CCNYL1: variants seen among roughly 807,000 people sequenced by gnomAD.
The protein encoded by CCNYL1 is cyclin-Y-like protein 1.
A neutral mutation model predicts 44.2 loss-of-function variants in CCNYL1; 16 were observed. The observed-to-expected ratio is 0.36, with a 90% CI of 0.25 to 0.55. The LOEUF is 0.55. Among genes scored for constraint, CCNYL1 ranks in the 20% least tolerant of loss-of-function variants. The probability of loss-of-function intolerance (pLI) is 0.85; values close to 1 mark genes in which losing one functional copy is unlikely to be tolerated. For synonymous variants in CCNYL1, 159 were observed against 163.2 expected (o/e 0.97, Z 0.20); for missense variants, 348 against 451.8 (o/e 0.77, Z 2.08).
rs1449829551 is a variant in CCNYL1 at position 207,727,600 on chromosome 2, C to A, written c.330+724C>A. 2.6e-5 allele frequency among the ~76,000 whole-genome samples: 4 copies of A among 152,132 alleles called. No homozygotes were observed. In the East Asian group the frequency reaches 7.7e-4, roughly 29 times the overall value. On this transcript the variant is annotated intron_variant, in intron 3 of 9. Transcript: ENST00000295414. ...GTTTTCTAACAGCTATTTTTCCCCCCAAATGTTGTAGCATTTGCCACATGC... is the reference window on the plus strand; with the variant it reads ...GTTTTCTAACAGCTATTTTTCCCCCAAAATGTTGTAGCATTTGCCACATGC...
chr2:207,719,272 T>G (rs1218628884), intron 1 of CCNYL1, among the ~76,000 whole-genome samples: 1 of 151,784 alleles, frequency 6.6e-6, no homozygotes, highest in East Asian at 1.9e-4. Context: ...TTTTATAATT[T>G]ATTGTGCATT....
chr2:207,739,889 T>C (rs888121772), intron 5 of CCNYL1, among the ~76,000 whole-genome samples: 8 of 152,242 alleles, frequency 5.3e-5, no homozygotes, highest in South Asian at 2.1e-4. Flanking sequence ...TTTGCTGTTA[T>C]ACACTCATTA....
intron 1 of CCNYL1, among the ~76,000 whole-genome samples, chr2:207,718,478 A>G (rs1284724217): frequency 6.6e-6 from 1 of 152,014 alleles, no homozygotes; most frequent in African/African-American, 2.4e-5. Flanking sequence ...ACTGCCCTCC[A>G]GCCTGGGTGA....
intron 1 of CCNYL1, among the ~76,000 whole-genome samples, chr2:207,719,060 A>G (rs2091620111): frequency 6.6e-6 from 1 of 152,088 alleles, no homozygotes; most frequent in Admixed American, 6.6e-5. Flanking sequence ...AAGGAGGAGA[A>G]TGTACAGTAA....
chr2:207,717,657 A>G (rs958684467), intron 1 of CCNYL1, among the ~76,000 whole-genome samples: 1 of 152,084 alleles, frequency 6.6e-6, no homozygotes, highest in African/African-American at 2.4e-5. Context: ...GTGAGAAGGG[A>G]GCCTTGTGAG....
intron 5 of CCNYL1, 147 bp from the exon 6 acceptor site, chr2:207,740,508 C>G (rs995421399): frequency 3.1e-6 from 2 of 655,100 alleles, no homozygotes; most frequent in African/African-American, 3.7e-5. Context: ...GGCTGGCATC[C>G]CGGAGAAGAA....
chr2:207,748,724 G>A (rs2091872204), intron 8 of CCNYL1, among the ~76,000 whole-genome samples: 1 of 152,194 alleles, frequency 6.6e-6, no homozygotes, highest in African/African-American at 2.4e-5. Flanking sequence ...ATTCACAACT[G>A]AAGTGAGGAT....
intron 8 of CCNYL1, among the ~76,000 whole-genome samples, chr2:207,748,127 T>C (rs2091867719): frequency 1.3e-5 from 2 of 152,206 alleles, no homozygotes; most frequent in Non-Finnish European, 2.9e-5. Context: ...AGGTCTGTTT[T>C]TACAGAAGCC....
At chr2:207,725,909 A>C (rs2091677000) in intron 2 of CCNYL1, among the ~76,000 whole-genome samples, 1 of 152,226 alleles carries the variant, frequency 6.6e-6, no homozygotes. Context: ...GAATACAAGA[A>C]GTGGGGGTTC....
chr2:207,737,381 G>A (rs62189195), intron 4 of CCNYL1, 30 bp from the exon 5 acceptor site: 21,593 of 1,557,784 alleles, frequency 0.014, 242 homozygotes, highest in Middle Eastern at 0.05. Context: ...TAAATCAGTT[G>A]TTAAAAATAA....
In CCNYL1 at chr2:207,711,844, C is replaced by A. The variant is rs1334945429; in HGVS notation, c.-53C>A. On this transcript the variant is annotated 5_prime_UTR_variant, in exon 1 of 10. Transcript: ENST00000295414. ...TGGGGGAGGGGGCGGCTGTTGAGGG[C>A]GGCGGAGTAGGGGGCGAGCGAAGGC... The A allele has an allele frequency of 8.0e-7, 1 of 1,250,428 alleles. No individual in the cohort carries two copies. Among genetic ancestry groups the A allele is most frequent in the Non-Finnish European group, 1.0e-6 (1 of 961,462 alleles). 77.5% of individuals were successfully genotyped at this position (1,250,428 alleles called of 1,614,324 possible).
rs1157477761 is a variant in CCNYL1 at position 207,751,128 on chromosome 2, A to G, written c.969+9A>G. ...GAGCACAGAACCTAGAGGTAAGGCT[A>G]TGAAGTCACTAAGTGAGGTTTTCCA... On this transcript the variant is annotated intron_variant, in intron 9 of 9. Coordinates refer to ENST00000295414, the MANE Select transcript of CCNYL1 (RefSeq NM_001330218.2). 6.2e-7 allele frequency: 1 copy of G among 1,610,264 alleles called. No homozygotes were observed.
At chr2:207,722,696 C>T (rs1286798121) in intron 1 of CCNYL1, among the ~76,000 whole-genome samples, 1 of 152,072 alleles carries the variant, frequency 6.6e-6, no homozygotes, top group Non-Finnish European at 1.5e-5. Context: ...TGTGGTGGCT[C>T]ACGCCTGTAA....
intron 4 of CCNYL1, among the ~76,000 whole-genome samples, chr2:207,735,532 A>G (rs1361746533): frequency 6.6e-6 from 1 of 152,138 alleles, no homozygotes; most frequent in Non-Finnish European, 1.5e-5. Context: ...TCATTCCCAA[A>G]ATTTGCAGCA....
At position 207,740,803 on chromosome 2, in the gene CCNYL1, C is replaced by T; in HGVS notation, c.519+97C>T. ...AATAGTCCTAACAAATATACATGAT[C>T]TCTATGAAGATAATTAGAAAACAAT... On this transcript the variant is annotated intron_variant, in intron 6 of 9. Coordinates refer to ENST00000295414, the MANE Select transcript of CCNYL1 (RefSeq NM_001330218.2). 4.1e-6 allele frequency: 3 copies of T among 723,664 alleles called. No individual in the cohort carries two copies. In the South Asian group the frequency reaches 4.9e-5, roughly 12 times the overall value. 44.8% of individuals were successfully genotyped at this position (723,664 alleles called of 1,614,324 possible). A position where few individuals can be genotyped will look rare whatever the true frequency, so the allele number is the denominator to read the frequency against.
rs775777243 is a variant in CCNYL1, at chr2:207,712,055, G to T, written c.159G>T (p.Leu53Phe). Residue 53 changes from leucine to phenylalanine, a missense_variant, in exon 1 of 10, where the codon TTG (leucine) becomes TTT (phenylalanine). This residue lies in a region of CCNYL1 where 209 missense variants were observed against 247.7 expected (regional missense o/e 0.84). Coordinates refer to ENST00000295414, the MANE Select transcript of CCNYL1 (RefSeq NM_001330218.2). ...VAPAVVEPAE[L>F]DFGEGEGHHL... Reference sequence around the variant, plus strand: ...CCGCTGTGGTGGAGCCTGCCGAGTTGGATTTCGGAGAGGGCGAGGGCCACC... The same window carrying T: ...CCGCTGTGGTGGAGCCTGCCGAGTTTGATTTCGGAGAGGGCGAGGGCCACC... 1 of 1,557,502 alleles carries T rather than the reference G, an allele frequency of 6.4e-7. No homozygotes were observed. The highest frequency in any genetic ancestry group is 1.2e-5 in the South Asian group (1 of 85,478).
At chr2:207,722,073 A>G (rs1192507992) in intron 1 of CCNYL1, among the ~76,000 whole-genome samples, 1 of 119,440 alleles carries the variant, frequency 8.4e-6, no homozygotes, top group African/African-American at 3.2e-5. Context: ...GTTGCCTTGG[A>G]TTTTTTTTTT....
chr2:207,739,368 G>A (rs1194690432), intron 5 of CCNYL1, among the ~76,000 whole-genome samples: 1 of 152,178 alleles, frequency 6.6e-6, no homozygotes, highest in Non-Finnish European at 1.5e-5. Context: ...GAGTAGCCGG[G>A]ACTGCGGGCG....
At chr2:207,720,648 C>T (rs2091633622) in intron 1 of CCNYL1, among the ~76,000 whole-genome samples, 1 of 152,118 alleles carries the variant, frequency 6.6e-6, no homozygotes, top group Non-Finnish European at 1.5e-5. Context: ...GAACTGTTCT[C>T]AAGTGATCCT....
Sources: gnomAD v4.1 joint callset for allele counts (sites outside exome capture counted in the v4.1 genomes callset) on GRCh38, gnomAD v4.1.1 for gene constraint, gnomAD v4.1.1 regional missense constraint, MANE v1.5 for transcripts, NCBI Gene and HGNC (gene_info 2026-07-23, HGNC 2026-07-21) for gene names.